Variants in ATRNL1 observed in about 807,000 individuals in gnomAD.
ATRNL1 encodes the protein attractin-like protein 1.
In ATRNL1, 95 loss-of-function variants were observed where a neutral mutation model predicts 182.7. That is an observed-to-expected ratio of 0.52 (90% confidence interval 0.44 to 0.62). ATRNL1 has a LOEUF of 0.62. Among genes scored for constraint, ATRNL1 ranks in the 20% least tolerant of loss-of-function variants. ATRNL1 has a pLI of 0.00. For missense variants in ATRNL1, 1,471 were observed against 1,679.5 expected, an observed-to-expected ratio of 0.88 and a Z score of 2.17; for synonymous variants, 576 against 568.3, an observed-to-expected ratio of 1.01 and a Z score of -0.19.
intron 26 of ATRNL1, among the ~76,000 whole-genome samples, chr10:115,636,492 T>G (rs1858880902): frequency 6.6e-6 from 1 of 152,204 alleles, no homozygotes; most frequent in Admixed American, 6.5e-5. Context: ...CAGCCCACCA[T>G]AGTTATGTCA....
intron 21 of ATRNL1, among the ~76,000 whole-genome samples, chr10:115,461,624 G>A (rs2134530387): frequency 6.6e-6 from 1 of 152,058 alleles, no homozygotes; most frequent in South Asian, 2.1e-4. Flanking sequence ...TTTCCTTCTA[G>A]TTATAAAATT....
At chr10:115,916,765 C>A (rs538928361) in intron 28 of ATRNL1, among the ~76,000 whole-genome samples, 1 of 152,314 alleles carries the variant, frequency 6.6e-6, no homozygotes, top group African/African-American at 2.4e-5. Context: ...CTGATACAAG[C>A]TGCAGCCTTG....
intron 26 of ATRNL1, among the ~76,000 whole-genome samples, chr10:115,654,219 CT>C (rs374338976): frequency 0.013 from 1,917 of 143,256 alleles, 36 homozygotes; most frequent in African/African-American, 0.042. Context: ...AATTTCTTTT[CT>C]TTTTTTTTTT....
intron 26 of ATRNL1, among the ~76,000 whole-genome samples, chr10:115,678,238 A>G (rs1369068928): frequency 6.6e-6 from 1 of 152,286 alleles, no homozygotes; most frequent in African/African-American, 2.4e-5. Flanking sequence ...ACATCAAGCT[A>G]AAACATTATA....
At chr10:115,551,581 C>T (rs555750615) in intron 26 of ATRNL1, among the ~76,000 whole-genome samples, 1 of 151,468 alleles carries the variant, frequency 6.6e-6, no homozygotes, top group Admixed American at 6.6e-5. Flanking sequence ...TAATTTGCTA[C>T]TGCTTCCGAA....
At chr10:115,815,389 C>T (rs1205291037) in intron 27 of ATRNL1, among the ~76,000 whole-genome samples, 2 of 149,590 alleles carry the variant, frequency 1.3e-5, no homozygotes, top group Non-Finnish European at 3.0e-5. Context: ...CAGATCAACA[C>T]ATCCACTGGT....
chr10:115,826,037 C>A (rs1296886945), intron 27 of ATRNL1, among the ~76,000 whole-genome samples: 1 of 152,168 alleles, frequency 6.6e-6, no homozygotes, highest in Non-Finnish European at 1.5e-5. Context: ...CATTTAGTGT[C>A]ATACATCTTG....
At chr10:115,584,844 G>T (rs1302684369) in intron 26 of ATRNL1, among the ~76,000 whole-genome samples, 23 of 151,386 alleles carry the variant, frequency 1.5e-4, no homozygotes, top group African/African-American at 5.3e-4. Flanking sequence ...TGATGTTAGG[G>T]TGTCAATTTT....
At chr10:115,701,338 C>T (rs1429803081) in intron 26 of ATRNL1, among the ~76,000 whole-genome samples, 1 of 152,074 alleles carries the variant, frequency 6.6e-6, no homozygotes, top group Non-Finnish European at 1.5e-5. Context: ...GTGCTAAACA[C>T]CTACCTCAAA....
intron 26 of ATRNL1, among the ~76,000 whole-genome samples, chr10:115,656,511 C>T (rs1431077536): frequency 2.0e-5 from 3 of 152,104 alleles, no homozygotes; most frequent in African/African-American, 7.2e-5. Flanking sequence ...TGTGTGAGTG[C>T]GCCCTGCAAA....
At chr10:115,893,443 G>A (rs568417280) in intron 28 of ATRNL1, among the ~76,000 whole-genome samples, 8 of 152,346 alleles carry the variant, frequency 5.3e-5, no homozygotes, top group Admixed American at 4.6e-4. Context: ...TAACCTCTGA[G>A]CATCTAGCTG....
At chr10:115,592,335 A>G (rs1437667480) in intron 26 of ATRNL1, among the ~76,000 whole-genome samples, 1 of 152,194 alleles carries the variant, frequency 6.6e-6, no homozygotes. Context: ...TGAAACAAAC[A>G]AGAGATCGCC....
At chr10:115,467,105 C>T (rs1848086455) in intron 22 of ATRNL1, 69 bp from the exon 23 acceptor site, 2 of 832,820 alleles carry the variant, frequency 2.4e-6, no homozygotes, top group Non-Finnish European at 4.0e-6. Context: ...ATAATTAAAT[C>T]AGTAGACTAA....
At chr10:115,274,200 C>T (rs1852000936) in intron 13 of ATRNL1, among the ~76,000 whole-genome samples, 1 of 152,190 alleles carries the variant, frequency 6.6e-6, no homozygotes, top group Non-Finnish European at 1.5e-5. Context: ...GATCATGTAG[C>T]CCAACTGGCA....
intron 27 of ATRNL1, among the ~76,000 whole-genome samples, chr10:115,785,532 A>T (rs989887218): frequency 6.6e-6 from 1 of 152,232 alleles, no homozygotes; most frequent in Non-Finnish European, 1.5e-5. Context: ...GCCATTATGC[A>T]AGAAGGCCCT....
chr10:115,523,030 A>G (rs1469830566), intron 25 of ATRNL1, among the ~76,000 whole-genome samples: 2 of 152,250 alleles, frequency 1.3e-5, no homozygotes, highest in Non-Finnish European at 1.5e-5. Context: ...GCATTGCCTC[A>G]CTAGCATCTG....
At chr10:115,505,956 A>G (rs1040067840) in intron 24 of ATRNL1, among the ~76,000 whole-genome samples, 24 of 144,482 alleles carry the variant, frequency 1.7e-4, no homozygotes, top group Non-Finnish European at 2.8e-4. Context: ...CTGGTGGAAG[A>G]AAAAAAAAAA....
chr10:115,596,580 C>G lies in ATRNL1; in HGVS notation c.3795+47044C>G, dbSNP rs554005586. ...TGTGCTTTTATCTTAGCAATTTCACCTGACATCTTACAGTAGGGAAAATGG... is the reference window on the plus strand; with the variant it reads ...TGTGCTTTTATCTTAGCAATTTCACGTGACATCTTACAGTAGGGAAAATGG... On this transcript the variant is annotated intron_variant, in intron 26 of 28. Transcript: ENST00000355044. Among the ~76,000 whole-genome samples the G allele has an allele frequency of 5.9e-4, 90 of 152,246 alleles. 1 individual carries two copies. Among genetic ancestry groups the G allele is most frequent in the African/African-American group, 1.9e-3 (78 of 41,542 alleles).
At chr10:115,144,835 T>C (rs1554878953) in intron 5 of ATRNL1, among the ~76,000 whole-genome samples, 1 of 152,182 alleles carries the variant, frequency 6.6e-6, no homozygotes, top group Admixed American at 6.5e-5. Context: ...GCAGTTTCCT[T>C]TTTAGTAAGT....
Sources: allele counts gnomAD v4.1 joint callset (sites outside exome capture counted in the v4.1 genomes callset), GRCh38; gene constraint gnomAD v4.1.1; transcripts MANE v1.5; gene names NCBI Gene and HGNC (gene_info 2026-07-23, HGNC 2026-07-21).